The following TLN2 variants were observed in gnomAD, a reference collection of about 807,000 sequenced individuals.
TLN2 encodes the protein talin-2.
A neutral mutation model predicts 294.7 loss-of-function variants in TLN2; 118 were observed. The observed-to-expected ratio is 0.40, with a 90% confidence interval of 0.34 to 0.47. The LOEUF is 0.47. Ranked by LOEUF, TLN2 falls within the 20% of genes least tolerant of loss-of-function variation. The pLI is 0.84. For missense variants in TLN2, 3,083 were observed against 3,282.2 expected (o/e 0.94, Z 1.48); for synonymous variants, 1,431 against 1,304.5 (o/e 1.10, Z -2.09).
At chr15:62,496,745 A>T (rs533532375) in intron 1 of TLN2, among the ~76,000 whole-genome samples, 181 of 152,348 alleles carry the variant, frequency 1.2e-3, no homozygotes, top group Non-Finnish European at 2.1e-3. Context: ...CATAGATCCA[A>T]TTTTTAAAAA....
chr15:62,653,759 AAGT>A (rs2052881607), intron 7 of TLN2, among the ~76,000 whole-genome samples: 1 of 79,308 alleles, frequency 1.3e-5, no homozygotes, highest in Admixed American at 1.5e-4. Flanking sequence ...AAAAAAAAAA[AAGT>A]AATTGTAATA....
At chr15:62,703,346 C>T (rs997499892) in intron 19 of TLN2, among the ~76,000 whole-genome samples, 4 of 151,932 alleles carry the variant, frequency 2.6e-5, no homozygotes, top group African/African-American at 9.7e-5. Context: ...GTGATCTGCC[C>T]GTCTCGGCCT....
intron 3 of TLN2, among the ~76,000 whole-genome samples, chr15:62,618,815 T>C (rs1361706058): frequency 6.6e-6 from 1 of 152,248 alleles, no homozygotes. Flanking sequence ...ACTGGAGATG[T>C]TGAAAACCTT....
At chr15:62,810,202 C>T (rs2066584838) in intron 52 of TLN2, among the ~76,000 whole-genome samples, 170 bp downstream of exon 52, 1 of 152,184 alleles carries the variant, frequency 6.6e-6, no homozygotes, top group Non-Finnish European at 1.5e-5. Context: ...TGATCCGGCA[C>T]ACTGAGCTAA....
rs78253597 is a variant in TLN2, at chr15:62,823,415, C to T, written c.7002+2805C>T. On this transcript the variant is annotated intron_variant, in intron 54 of 58. Transcript: ENST00000636159. ...TCTTTTGAGTTGAATCACTTCTCTC[C>T]ATTCTCTCCCAAAACCTTAAAAAAA... Among the ~76,000 whole-genome samples, 1,341 of 152,314 alleles carry T rather than the reference C, an allele frequency of 8.8e-3. 11 individuals carry two copies. Among genetic ancestry groups the T allele is most frequent in the Non-Finnish European group, 0.015 (987 of 68,034 alleles).
intron 1 of TLN2, among the ~76,000 whole-genome samples, chr15:62,538,633 C>T (rs1164085473): frequency 6.6e-6 from 1 of 152,140 alleles, no homozygotes; most frequent in Non-Finnish European, 1.5e-5. Flanking sequence ...AGTTTGATTT[C>T]TGAATCTACA....
intron 9 of TLN2, among the ~76,000 whole-genome samples, chr15:62,671,447 A>C (rs1457147104): frequency 6.6e-6 from 1 of 152,168 alleles, no homozygotes; most frequent in East Asian, 1.9e-4. Context: ...TTTTGAGTTA[A>C]TTCTAGTGTA....
chr15:62,452,800 C>T (rs1156636287), intron 1 of TLN2, among the ~76,000 whole-genome samples: 1 of 152,240 alleles, frequency 6.6e-6, no homozygotes, highest in African/African-American at 2.4e-5. Flanking sequence ...CTCCTGCTCC[C>T]TTCTGCCTGT....
intron 3 of TLN2, among the ~76,000 whole-genome samples, chr15:62,642,520 A>G (rs1455023484): frequency 6.6e-6 from 1 of 152,216 alleles, no homozygotes; most frequent in Non-Finnish European, 1.5e-5. Flanking sequence ...GTGGACAAGG[A>G]GCATAAATCT....
chr15:62,504,576 A>G (rs2039482499), intron 1 of TLN2, among the ~76,000 whole-genome samples: 2 of 152,234 alleles, frequency 1.3e-5, no homozygotes, highest in Admixed American at 1.3e-4. Flanking sequence ...TCAATGGAGA[A>G]TGGATGGGCT....
rs371640026 is a variant in TLN2, at chr15:62,792,757, G to C, written c.5853G>C (p.Leu1951=). The stretch of plus-strand genomic sequence containing the variant: ...CAGACAGCTACACCAAGAGGGAGCT[G>C]ATCGAATGCGCCCGTGCCGTCACGG... The part of the protein sequence containing the change: ...CPTDSYTKRE[L]IECARAVTEK... Residue 1951 remains leucine (L), a synonymous_variant, in exon 46 of 59, where the codon CTG becomes CTC. Coordinates refer to ENST00000636159, the MANE Select transcript of TLN2 (RefSeq NM_015059.3). 1 of 1,613,928 alleles carries C rather than the reference G, an allele frequency of 6.2e-7. No individual in the cohort carries two copies. Among genetic ancestry groups the C allele is most frequent in the African/African-American group, 1.3e-5 (1 of 74,936 alleles).
intron 34 of TLN2, among the ~76,000 whole-genome samples, chr15:62,751,920 T>C (rs2061960566): frequency 6.6e-6 from 1 of 152,214 alleles, no homozygotes; most frequent in South Asian, 2.1e-4. Flanking sequence ...ACAAATGATA[T>C]CTGGAAGGGT....
Position 62,702,166 on chromosome 15 carries a change from A to C in TLN2, c.1871A>C (p.Asp624Ala), listed in dbSNP as rs574816226. 1.1e-5 allele frequency: 18 copies of C among 1,609,766 alleles called. No individual in the cohort carries two copies. The African/African-American group carries it at 2.4e-4, about 21-fold the overall frequency. The stretch of plus-strand genomic sequence containing the variant: ...AGGACCCTCGCTGGGGCGGTGTCAG[A>C]CTTGCTGAAAGCTGTGCAGCCTACT... ...AARTLAGAVS[D>A]LLKAVQPTSG... The change falls in exon 18 of 59, where the codon GAC becomes GCC. Residue 624 changes from aspartate to alanine, a missense_variant. By Grantham distance (126) the Asp-to-Ala change is moderately radical (BLOSUM62 -2). Coordinates refer to ENST00000636159, the MANE Select transcript of TLN2 (RefSeq NM_015059.3).
At chr15:62,780,779 G>C (rs1400508328) in intron 43 of TLN2, among the ~76,000 whole-genome samples, 1 of 152,176 alleles carries the variant, frequency 6.6e-6, no homozygotes, top group African/African-American at 2.4e-5. Context: ...TTCCCTAGAA[G>C]TGTCAGGCTG....
intron 37 of TLN2, among the ~76,000 whole-genome samples, chr15:62,757,198 A>T (rs1266826235): frequency 1.3e-5 from 2 of 152,178 alleles, no homozygotes; most frequent in Non-Finnish European, 2.9e-5. Flanking sequence ...CCCAGCCAGG[A>T]AGTGGTGGGG....
intron 3 of TLN2, chr15:62,640,188 T>C (rs2050859422): frequency 2.2e-6 from 1 of 456,026 alleles, no homozygotes; most frequent in Middle Eastern, 3.3e-4. Flanking sequence ...TCTTCCTCTC[T>C]TGTAGAAGAC....
chr15:62,538,272 A>G (rs1487215709), intron 1 of TLN2, among the ~76,000 whole-genome samples: 1 of 152,102 alleles, frequency 6.6e-6, no homozygotes. Context: ...GTTTTTACCA[A>G]TCTAATATCC....
intron 1 of TLN2, among the ~76,000 whole-genome samples, chr15:62,435,323 A>G (rs2035234317): frequency 6.6e-6 from 1 of 152,170 alleles, no homozygotes; most frequent in Admixed American, 6.5e-5. Flanking sequence ...CTGCCTCCAG[A>G]TCTTTGCAGA....
In TLN2 at chr15:62,838,899, G is replaced by T. The variant is rs145762497; in HGVS notation, c.7418G>T (p.Arg2473Leu). The T allele has an allele frequency of 3.1e-6, 5 of 1,611,538 alleles. No homozygotes were observed. Among genetic ancestry groups the T allele is most frequent in the East Asian group, 2.2e-5 (1 of 44,884 alleles). The change falls in exon 58 of 59, where the codon CGT becomes CTT. Residue 2473 changes from arginine (R) to leucine (L), a missense_variant. Coordinates refer to ENST00000636159, the MANE Select transcript of TLN2 (RefSeq NM_015059.3). ...AVKRASDNLV[R>L]AAQKAAFGKA... ...AAAAGAGCCTCAGACAATCTTGTCC[G>T]TGCAGCCCAGAAGGCAGCTTTTGGC...
Sources: gnomAD v4.1 joint callset for allele counts (sites outside exome capture counted in the v4.1 genomes callset) on GRCh38, gnomAD v4.1.1 for gene constraint, MANE v1.5 for transcripts, NCBI Gene and HGNC (gene_info 2026-07-23, HGNC 2026-07-21) for gene names.